Variants in NRP1 observed in about 807,000 individuals in gnomAD.
NRP1 encodes neuropilin-1.
In NRP1, 35 loss-of-function variants were observed where a neutral mutation model predicts 106.7. The observed-to-expected ratio is 0.33, with a 90% CI of 0.25 to 0.43. The LOEUF is 0.43. Among genes scored for constraint, NRP1 ranks in the 20% least tolerant of loss-of-function variants. The probability of loss-of-function intolerance (pLI) is 1.00; values close to 1 mark genes in which losing one functional copy is unlikely to be tolerated. For synonymous variants in NRP1, 437 were observed against 417.9 expected (o/e 1.05, Z -0.56); for missense variants, 1,024 against 1,170.4 (o/e 0.87, Z 1.83).
In NRP1 at chr10:33,182,833, GCACACACACA is replaced by G. The variant is rs148435065; in HGVS notation, c.2432-95_2432-86del. ...AAACTACACAAACCTTTAGGTACAT[GCACACACACA>G]CACACACACACACACACACGTGTCT... On this transcript the variant is annotated intron_variant, in intron 15 of 16. Coordinates refer to ENST00000374867, the MANE Select transcript of NRP1 (RefSeq NM_003873.7). The G allele has an allele frequency of 7.9e-5, 59 of 747,430 alleles. No homozygotes were observed. The African/African-American group carries it at 8.6e-4, about 11-fold the overall frequency. The allele number at this position is 747,430 out of a possible 1,614,324, so 46.3% of individuals were successfully genotyped here.
intron 2 of NRP1, among the ~76,000 whole-genome samples, chr10:33,312,052 C>A (rs1163537719): frequency 6.6e-6 from 1 of 152,086 alleles, no homozygotes; most frequent in Non-Finnish European, 1.5e-5. Flanking sequence ...CTTGCTTTAA[C>A]AAAAATATGG....
intron 2 of NRP1, among the ~76,000 whole-genome samples, chr10:33,312,996 A>G (rs550686165): frequency 6.6e-6 from 1 of 152,286 alleles, no homozygotes; most frequent in South Asian, 2.1e-4. Context: ...CAAACCAATC[A>G]CTCATGTATG....
intron 13 of NRP1, among the ~76,000 whole-genome samples, chr10:33,188,319 G>A (rs957746833): frequency 1.3e-5 from 2 of 152,156 alleles, no homozygotes; most frequent in East Asian, 1.9e-4. Context: ...AGAAGTGGAC[G>A]TAGGTAGAGG....
At chr10:33,192,539 T>C in intron 12 of NRP1, 121 bp from the exon 13 acceptor site, 1 of 1,061,290 alleles carries the variant, frequency 9.4e-7, no homozygotes, top group Non-Finnish European at 1.3e-6. Context: ...TTATGTCTGT[T>C]TGAAAATTCC....
At chr10:33,269,270 ATTTG>A (rs1257820810) in intron 3 of NRP1, among the ~76,000 whole-genome samples, 1 of 152,148 alleles carries the variant, frequency 6.6e-6, no homozygotes, top group Non-Finnish European at 1.5e-5. Flanking sequence ...ATGTTTGTTA[ATTTG>A]TTTATTACTT....
chr10:33,226,880 T>C (rs2132946972), intron 6 of NRP1, among the ~76,000 whole-genome samples: 1 of 152,328 alleles, frequency 6.6e-6, no homozygotes, highest in South Asian at 2.1e-4. Context: ...ATCTTCTATG[T>C]ATCTGATTGA....
At chr10:33,285,455 A>C (rs1844452331) in intron 2 of NRP1, among the ~76,000 whole-genome samples, 1 of 152,180 alleles carries the variant, frequency 6.6e-6, no homozygotes, top group Non-Finnish European at 1.5e-5. Flanking sequence ...CTCATTTTCT[A>C]GGTGATGATG....
At chr10:33,250,975 G>A (rs1841812887) in intron 6 of NRP1, among the ~76,000 whole-genome samples, 1 of 152,156 alleles carries the variant, frequency 6.6e-6, no homozygotes, top group African/African-American at 2.4e-5. Context: ...CCAGCAGGGA[G>A]ACCCAAGAAC....
At chr10:33,321,054 T>C (rs1053741178) in intron 2 of NRP1, among the ~76,000 whole-genome samples, 1 of 152,208 alleles carries the variant, frequency 6.6e-6, no homozygotes, top group African/African-American at 2.4e-5. Context: ...TGGCCTGATC[T>C]TGGCTCACTG....
At chr10:33,194,808 A>G (rs763654219) in intron 12 of NRP1, 22 of 506,962 alleles carry the variant, frequency 4.3e-5, no homozygotes, top group Admixed American at 3.6e-4. Context: ...CAAACCACCC[A>G]TAAACATTTA....
chr10:33,320,088 G>A (rs1014829557), intron 2 of NRP1, among the ~76,000 whole-genome samples: 2 of 151,612 alleles, frequency 1.3e-5, no homozygotes, highest in Admixed American at 1.3e-4. Context: ...CGAGATGGGC[G>A]GATCACCTGA....
At chr10:33,232,968 T>C (rs1840276001) in intron 6 of NRP1, among the ~76,000 whole-genome samples, 1 of 152,112 alleles carries the variant, frequency 6.6e-6, no homozygotes, top group South Asian at 2.1e-4. Context: ...TTCTAAGTTA[T>C]AATACATAGC....
Position 33,254,092 on chromosome 10 carries a change from G to C in NRP1, c.917C>G (p.Ser306Cys). The change falls in exon 6 of 17, where the codon TCC (serine) becomes TGC (cysteine). Residue 306 changes from serine to cysteine, a missense_variant. Physicochemically the swap from Ser to Cys is moderately radical, Grantham distance 112. This residue lies in a region of NRP1 where 562 missense variants were observed against 620.3 expected (regional missense o/e 0.91). Transcript: ENST00000374867. ...QYSTNWSAER[S>C]RLNYPENGWT... ...CCCATTCTCAGGGTAGTTCAGGCGG[G>C]AGCGCTCTGCAGACCAGTTGGTGCT... The C allele has an allele frequency of 6.2e-7, 1 of 1,613,994 alleles. No individual in the cohort carries two copies. The highest frequency in any genetic ancestry group is 8.5e-7 in the Non-Finnish European group (1 of 1,179,996).
chr10:33,273,004 T>G (rs1370373535), intron 2 of NRP1, among the ~76,000 whole-genome samples: 2 of 150,670 alleles, frequency 1.3e-5, no homozygotes, highest in Non-Finnish European at 2.9e-5. Flanking sequence ...GAAGCTGGTA[T>G]TTTAATTCAC....
intron 6 of NRP1, among the ~76,000 whole-genome samples, chr10:33,238,821 T>C (rs1840778458): frequency 6.6e-6 from 1 of 152,176 alleles, no homozygotes; most frequent in Non-Finnish European, 1.5e-5. Context: ...AAGATCACGA[T>C]GATGCATATG....
intron 2 of NRP1, among the ~76,000 whole-genome samples, chr10:33,311,366 T>C (rs1453050936): frequency 1.3e-5 from 2 of 152,160 alleles, no homozygotes; most frequent in Non-Finnish European, 2.9e-5. Context: ...TGGGCCTGCC[T>C]TGGGGGCTGC....
intron 8 of NRP1, among the ~76,000 whole-genome samples, chr10:33,218,512 A>C (rs1426876070): frequency 6.6e-6 from 1 of 151,676 alleles, no homozygotes; most frequent in Admixed American, 6.6e-5. Flanking sequence ...CACCTGGGTA[A>C]TTTTTTGTAT....
chr10:33,182,423 G>A (rs1835742940), intron 16 of NRP1, among the ~76,000 whole-genome samples: 2 of 152,054 alleles, frequency 1.3e-5, no homozygotes, highest in Admixed American at 1.3e-4. Context: ...TCTAGACTGG[G>A]CAGGGAAGGG....
At chr10:33,298,353 T>C (rs977053135) in intron 2 of NRP1, among the ~76,000 whole-genome samples, 2 of 152,116 alleles carry the variant, frequency 1.3e-5, no homozygotes, top group Non-Finnish European at 2.9e-5. Context: ...GCTCTCACCC[T>C]CCTGTTCTGG....
Sources: gnomAD v4.1 joint callset for allele counts (sites outside exome capture counted in the v4.1 genomes callset) on GRCh38, gnomAD v4.1.1 for gene constraint, gnomAD v4.1.1 regional missense constraint, MANE v1.5 for transcripts, NCBI Gene and HGNC (gene_info 2026-07-23, HGNC 2026-07-21) for gene names.